ACOXL: variants seen among roughly 807,000 people sequenced by gnomAD.
ACOXL encodes the protein acyl-coenzyme A oxidase-like protein.
In ACOXL, 70 loss-of-function variants were observed where a neutral mutation model predicts 71.9. The ratio of observed to expected loss-of-function variants is 0.97; its 90% confidence interval spans 0.80 to 1.19. The LOEUF (loss-of-function observed/expected upper bound fraction) is 1.19. Among genes scored for constraint, ACOXL ranks in the 50% most tolerant of loss-of-function variants. ACOXL has a pLI of 0.00. For synonymous variants in ACOXL, 253 were observed against 281.6 expected (o/e 0.90, Z 1.02); for missense variants, 703 against 736.3 (o/e 0.95, Z 0.52).
intron 5 of ACOXL, among the ~76,000 whole-genome samples, chr2:110,797,125 C>T (rs750243823): frequency 2.5e-4 from 38 of 152,186 alleles, no homozygotes; most frequent in Non-Finnish European, 4.9e-4. Flanking sequence ...ACCCAGGTGG[C>T]AGTGGAGACT....
At chr2:110,785,608 G>A (rs1368735786) in intron 3 of ACOXL, among the ~76,000 whole-genome samples, 1 of 152,074 alleles carries the variant, frequency 6.6e-6, no homozygotes, top group Non-Finnish European at 1.5e-5. Context: ...AGCAATGGAA[G>A]ATCATTCATT....
chr2:110,931,828 T>A (rs1369515845), intron 11 of ACOXL, among the ~76,000 whole-genome samples: 3 of 152,242 alleles, frequency 2.0e-5, no homozygotes, highest in African/African-American at 7.2e-5. Context: ...CTGGTAGGAA[T>A]GTAAAATTGC....
chr2:110,866,415 C>T (rs899119211), intron 10 of ACOXL, among the ~76,000 whole-genome samples: 24 of 152,220 alleles, frequency 1.6e-4, no homozygotes, highest in African/African-American at 5.5e-4. Flanking sequence ...AGTTCAGACT[C>T]AGTTAAGTGA....
Position 110,746,887 on chromosome 2 carries a change from A to G in ACOXL, c.-23+14113A>G, listed in dbSNP as rs1008319139. ...TAAGATGAAAGCTTACTAGTCTCCA[A>G]AATAGCTCACTTTATCTGTTCTTAT... On this transcript the variant is annotated intron_variant, in intron 1 of 17. Coordinates refer to ENST00000439055, the MANE Select transcript of ACOXL (RefSeq NM_001142807.4). Among the ~76,000 whole-genome samples the G allele has an allele frequency of 7.2e-5, 11 of 151,818 alleles. No individual in the cohort carries two copies. The South Asian group carries it at 2.1e-3, about 29-fold the overall frequency.
At chr2:110,916,233 G>A (rs997580947) in intron 11 of ACOXL, among the ~76,000 whole-genome samples, 2 of 149,394 alleles carry the variant, frequency 1.3e-5, no homozygotes, top group African/African-American at 2.5e-5. Flanking sequence ...CAATTTTTGT[G>A]GCTTCCTTTT....
At chr2:110,759,988 A>G (rs930998905) in intron 1 of ACOXL, among the ~76,000 whole-genome samples, 14 of 151,492 alleles carry the variant, frequency 9.2e-5, no homozygotes, top group African/African-American at 3.4e-4. Context: ...TCCTTCATGT[A>G]TTTTCTAACT....
intron 1 of ACOXL, among the ~76,000 whole-genome samples, chr2:110,754,734 G>T (rs1679445122): frequency 6.6e-6 from 1 of 152,194 alleles, no homozygotes; most frequent in Non-Finnish European, 1.5e-5. Flanking sequence ...CCATTTGCCA[G>T]TGGCATTTGG....
chr2:110,808,451 A>G (rs1232200391), intron 9 of ACOXL, among the ~76,000 whole-genome samples: 1 of 152,050 alleles, frequency 6.6e-6, no homozygotes, highest in Non-Finnish European at 1.5e-5. Flanking sequence ...CACAGAACAC[A>G]TGGATGTGGT....
At chr2:110,845,776 T>C (rs1332223273) in intron 10 of ACOXL, among the ~76,000 whole-genome samples, 1 of 152,236 alleles carries the variant, frequency 6.6e-6, no homozygotes, top group Admixed American at 6.5e-5. Context: ...CATTCCCTTC[T>C]GTGGGATAAT....
intron 14 of ACOXL, among the ~76,000 whole-genome samples, chr2:111,030,601 G>A (rs1009175891): frequency 1.3e-5 from 2 of 152,100 alleles, no homozygotes; most frequent in Admixed American, 6.5e-5. Context: ...TCCAGGCCCC[G>A]CAGAAACCGC....
At chr2:110,927,029 T>C (rs2060296889) in intron 11 of ACOXL, among the ~76,000 whole-genome samples, 1 of 152,146 alleles carries the variant, frequency 6.6e-6, no homozygotes. Flanking sequence ...TTTAATTGAC[T>C]CATAGTTCCA....
intron 11 of ACOXL, among the ~76,000 whole-genome samples, chr2:110,925,666 C>T (rs764305313): frequency 2.6e-5 from 4 of 152,160 alleles, no homozygotes; most frequent in Non-Finnish European, 5.9e-5. Context: ...CTAAAACTTT[C>T]TCCATATCAG....
intron 10 of ACOXL, among the ~76,000 whole-genome samples, chr2:110,867,025 C>T (rs1022656685): frequency 6.6e-6 from 1 of 152,190 alleles, no homozygotes; most frequent in Non-Finnish European, 1.5e-5. Flanking sequence ...TAGGAACGCC[C>T]TGCAGACCTT....
intron 9 of ACOXL, among the ~76,000 whole-genome samples, chr2:110,821,046 A>T (rs1372279996): frequency 6.6e-6 from 1 of 151,100 alleles, no homozygotes; most frequent in South Asian, 2.1e-4. Context: ...TGTATGGAAA[A>T]CTCTATGGCA....
At chr2:110,899,343 A>G (rs2059137460) in intron 10 of ACOXL, among the ~76,000 whole-genome samples, 2 of 152,202 alleles carry the variant, frequency 1.3e-5, no homozygotes, top group African/African-American at 4.8e-5. Context: ...GGGAACCTGG[A>G]GAATGTTGGG....
intron 1 of ACOXL, among the ~76,000 whole-genome samples, chr2:110,762,482 T>G (rs1346138359): frequency 1.3e-5 from 2 of 152,200 alleles, no homozygotes; most frequent in Non-Finnish European, 2.9e-5. Context: ...ATGTATTTAT[T>G]GTGTTTTAGG....
chr2:110,897,032 C>T (rs2059036926), intron 10 of ACOXL, among the ~76,000 whole-genome samples: 1 of 151,970 alleles, frequency 6.6e-6, no homozygotes, highest in African/African-American at 2.4e-5. Flanking sequence ...AGAGTGAGTT[C>T]TCTGACCATG....
intron 10 of ACOXL, among the ~76,000 whole-genome samples, chr2:110,868,146 A>G (rs1694842558): frequency 6.6e-6 from 1 of 152,230 alleles, no homozygotes; most frequent in African/African-American, 2.4e-5. Flanking sequence ...TTGTGTAACG[A>G]ATTTCATGTA....
chr2:110,986,347 G>A (rs1052791787), intron 12 of ACOXL, among the ~76,000 whole-genome samples: 1 of 152,148 alleles, frequency 6.6e-6, no homozygotes, highest in African/African-American at 2.4e-5. Context: ...ACAAACCACC[G>A]CAAAACTTAG....
Sources: allele counts gnomAD v4.1 joint callset (sites outside exome capture counted in the v4.1 genomes callset), GRCh38; gene constraint gnomAD v4.1.1; transcripts MANE v1.5; gene names NCBI Gene and HGNC (gene_info 2026-07-23, HGNC 2026-07-21).